FRY: variants seen among roughly 807,000 people sequenced by gnomAD.
FRY encodes the protein FRY microtubule binding protein.
In FRY, 128 loss-of-function variants were observed where a neutral mutation model predicts 348.4. The ratio of observed to expected loss-of-function variants is 0.37; its 90% CI spans 0.32 to 0.43. The LOEUF is 0.43. Ranked by LOEUF, FRY falls within the 20% of genes least tolerant of loss-of-function variation. The pLI is 1.00. For synonymous variants in FRY, 1,370 were observed against 1,374.7 expected (o/e 1.00, Z 0.08); for missense variants, 2,736 against 3,695.2 (o/e 0.74, Z 6.73).
intron 58 of FRY, among the ~76,000 whole-genome samples, chr13:32,283,920 C>T (rs1311640774): frequency 1.3e-5 from 2 of 152,180 alleles, no homozygotes; most frequent in Non-Finnish European, 2.9e-5. Context: ...CTCTCCATCT[C>T]TTGTGGAATT....
chr13:32,282,916 G>T (rs1310770046), intron 58 of FRY, among the ~76,000 whole-genome samples: 1 of 152,170 alleles, frequency 6.6e-6, no homozygotes, highest in Non-Finnish European at 1.5e-5. Context: ...CGTGAGGCAG[G>T]TGGATCACGA....
chr13:32,242,055 G>A (rs1886539621), intron 46 of FRY, among the ~76,000 whole-genome samples: 1 of 152,126 alleles, frequency 6.6e-6, no homozygotes, highest in Non-Finnish European at 1.5e-5. Flanking sequence ...AATAACTCTG[G>A]AAGTCTATCA....
intron 55 of FRY, among the ~76,000 whole-genome samples, chr13:32,268,498 AAAAAAAAATAT>A (rs1162047522): frequency 1.5e-3 from 30 of 19,664 alleles, no homozygotes; most frequent in African/African-American, 3.4e-3. Context: ...AAAAAAAAAA[AAAAAAAAATAT>A]ATATATATAT....
intron 27 of FRY, among the ~76,000 whole-genome samples, chr13:32,187,268 A>G (rs1318279688): frequency 6.6e-6 from 1 of 152,192 alleles, no homozygotes; most frequent in East Asian, 1.9e-4. Context: ...TTGGTTTTGA[A>G]TACTTACTCT....
At chr13:32,225,147 T>C in intron 38 of FRY, 111 bp downstream of exon 38, 1 of 739,414 alleles carries the variant, frequency 1.4e-6, no homozygotes, top group Non-Finnish European at 2.5e-6. Context: ...TTCGGGAATA[T>C]TCTATCTCCA....
At chr13:32,069,920 G>A (rs999848846) in intron 1 of FRY, among the ~76,000 whole-genome samples, 3 of 149,904 alleles carry the variant, frequency 2.0e-5, no homozygotes, top group African/African-American at 4.9e-5. Context: ...GTGTCCGTGT[G>A]TTCTCATTGT....
At chr13:32,255,485 G>A (rs1566172527) in intron 51 of FRY, among the ~76,000 whole-genome samples, 1 of 152,182 alleles carries the variant, frequency 6.6e-6, no homozygotes, top group Non-Finnish European at 1.5e-5. Flanking sequence ...TGATGACCCT[G>A]GATGTCTGCC....
At chr13:32,253,124 C>G (rs528263801) in intron 50 of FRY, among the ~76,000 whole-genome samples, 2 of 152,320 alleles carry the variant, frequency 1.3e-5, no homozygotes, top group East Asian at 1.9e-4. Context: ...ATAAGAGAAG[C>G]AGCACTAACT....
chr13:32,126,798 C>A (rs1566085765), intron 7 of FRY, among the ~76,000 whole-genome samples: 1 of 152,210 alleles, frequency 6.6e-6, no homozygotes, highest in Non-Finnish European at 1.5e-5. Flanking sequence ...CTGTTTCCTT[C>A]ATTCCCAGGG....
chr13:32,231,397 A>G, intron 41 of FRY, 97 bp downstream of exon 41: 1 of 1,194,426 alleles, frequency 8.4e-7, no homozygotes, highest in Non-Finnish European at 1.2e-6. Context: ...ACGGTCCTGC[A>G]CTCCACATCC....
At chr13:32,076,019 A>AT (rs1419977462) in intron 1 of FRY, among the ~76,000 whole-genome samples, 1 of 152,174 alleles carries the variant, frequency 6.6e-6, no homozygotes, top group Non-Finnish European at 1.5e-5. Flanking sequence ...GGTGAATAAT[A>AT]TTTTTTATGA....
In FRY at chr13:32,102,998, A is replaced by G. The variant is rs540337969; in HGVS notation, c.324+982A>G. On this transcript the variant is annotated intron_variant, in intron 3 of 60. Transcript: ENST00000542859. ...TGCCTTTAATATGAAATCCAGAGGA[A>G]GTCTCCCTGGCTGTACAAATTTAGA... is the stretch of plus-strand genomic sequence containing the variant. Among the ~76,000 whole-genome samples, 5 of 152,358 alleles carry G rather than the reference A, an allele frequency of 3.3e-5. No homozygotes were observed. The East Asian group carries it at 9.6e-4, about 29-fold the overall frequency.
In FRY at chr13:32,124,341, A is replaced by G. The variant is rs1878890982; in HGVS notation, c.520A>G (p.Ile174Val). The change falls in exon 5 of 61, where the codon ATT (isoleucine) becomes GTT (valine). Residue 174 changes from isoleucine to valine, a missense_variant. This residue lies in a region of FRY where 309 missense variants were observed against 418.1 expected (regional missense o/e 0.74). Coordinates refer to ENST00000542859, the MANE Select transcript of FRY (RefSeq NM_023037.3). ...MERRDLAIDF[I>V]FSLVLIEVLK... The stretch of plus-strand genomic sequence containing the variant: ...AAGACGGGACCTCGCCATTGATTTT[A>G]TTTTTTCTTTAGTATTAATAGAAGT... 2 of 1,593,368 alleles carry G rather than the reference A, an allele frequency of 1.3e-6. No homozygotes were observed. The highest frequency in any genetic ancestry group is 1.1e-5 in the South Asian group (1 of 90,460).
intron 31 of FRY, among the ~76,000 whole-genome samples, chr13:32,204,238 A>T (rs1170724733): frequency 6.6e-6 from 1 of 152,184 alleles, no homozygotes; most frequent in Non-Finnish European, 1.5e-5. Flanking sequence ...GATTAAAGTG[A>T]TCTAATGAAA....
In FRY at chr13:32,225,852, T is replaced by G. The variant is rs746507193; in HGVS notation, c.5084T>G (p.Ile1695Ser). ...HSKKLLLHLL[I>S]ALSCNSNFHS... ...AAAAAACTGCTTCTTCACCTCTTGA[T>G]TGCCCTCTCTTGCAACAGCAATTTC... Residue 1695 changes from isoleucine to serine, a missense_variant, in exon 39 of 61, where the codon ATT (isoleucine) becomes AGT (serine). Physicochemically the swap from Ile to Ser is moderately radical, Grantham distance 142. Around this residue, in one of 9 missense-constraint regions of FRY, gnomAD observed 794 missense variants for 977.0 expected, o/e 0.81. Coordinates refer to ENST00000542859, the MANE Select transcript of FRY (RefSeq NM_023037.3). 2 of 1,614,120 alleles carry G rather than the reference T, an allele frequency of 1.2e-6. No homozygotes were observed. The highest frequency in any genetic ancestry group is 2.2e-5 in the South Asian group (2 of 91,088).
rs80144442 is a variant in FRY at position 32,243,532 on chromosome 13, G to A, written c.6688-510G>A. On this transcript the variant is annotated intron_variant, in intron 46 of 60. Transcript: ENST00000542859. ...ATCCAATTTACATTTCCACTGATAT[G>A]TAAGAATACTCATTTCTTTATCTCC... Among the ~76,000 whole-genome samples, 377 of 152,256 alleles carry A rather than the reference G, an allele frequency of 2.5e-3. 13 individuals carry two copies. In the East Asian group the frequency reaches 0.064, roughly 26 times the overall value.
At chr13:32,285,771 T>A (rs559126864) in intron 58 of FRY, among the ~76,000 whole-genome samples, 15 of 152,236 alleles carry the variant, frequency 9.9e-5, no homozygotes, top group Admixed American at 3.9e-4. Context: ...TCAGTCATAT[T>A]TGATGTTGTC....
rs529678676 is a variant in FRY at position 32,117,018 on chromosome 13, G to T, written c.325-316G>T. On this transcript the variant is annotated intron_variant, in intron 3 of 60. Transcript: ENST00000542859. ...CGGAAGAAGCATTCATCTACTTTAG[G>T]CAGATGAACGTGGGAACATAATATC... Among the ~76,000 whole-genome samples, 5 of 152,188 alleles carry T rather than the reference G, an allele frequency of 3.3e-5. No individual in the cohort carries two copies. In the East Asian group the frequency reaches 5.8e-4, roughly 18 times the overall value.
Position 32,202,528 on chromosome 13 carries a change from G to A in FRY, c.4018+1G>A. The stretch of plus-strand genomic sequence containing the variant: ...GAGCTCACACTCCCCCTCTTCTCAG[G>A]TACCAGGCAATAGTCAATAATGACA... On this transcript the variant is annotated splice_donor_variant, in intron 31 of 60. Transcript: ENST00000542859. LOFTEE classifies it high-confidence loss of function. 6.2e-7 allele frequency: 1 copy of A among 1,610,752 alleles called. No homozygotes were observed. The highest frequency in any genetic ancestry group is 8.5e-7 in the Non-Finnish European group (1 of 1,177,024).
Sources: gnomAD v4.1 joint callset for allele counts (sites outside exome capture counted in the v4.1 genomes callset) on GRCh38, gnomAD v4.1.1 for gene constraint, gnomAD v4.1.1 regional missense constraint, MANE v1.5 for transcripts, NCBI Gene and HGNC (gene_info 2026-07-23, HGNC 2026-07-21) for gene names.